The following TMEM272 variants were observed in gnomAD, a reference collection of about 807,000 sequenced individuals.
TMEM272 encodes long intergenic non-protein coding RNA 282.
Under a neutral mutation model 3.7 loss-of-function variants are expected in TMEM272, and 8 were observed. The observed-to-expected ratio is 2.17, with a 90% confidence interval of 1.27 to 3.91. The LOEUF is 3.91. Among genes scored for constraint, TMEM272 ranks in the 30% most tolerant of loss-of-function variants. TMEM272 has a pLI of 0.00. For synonymous variants in TMEM272, 63 were observed against 39.8 expected (o/e 1.58, Z -2.20); for missense variants, 166 against 91.5 (o/e 1.81, Z -3.32).
the TMEM272 span, among the ~76,000 whole-genome samples, chr13:51,860,946 TC>T: frequency 6.6e-6 from 1 of 151,056 alleles, no homozygotes. Flanking sequence ...GGACTAGGGG[TC>T]CACTGACAGA....
the TMEM272 span, among the ~76,000 whole-genome samples, chr13:51,877,559 T>C: frequency 6.6e-6 from 1 of 152,250 alleles, no homozygotes; most frequent in East Asian, 1.9e-4. Context: ...TTTGGATTGT[T>C]TCTTTAGTTA....
At chr13:51,930,135 C>A in the TMEM272 span, among the ~76,000 whole-genome samples, 13 of 152,238 alleles carry the variant, frequency 8.5e-5, no homozygotes, top group Middle Eastern at 3.4e-3. Flanking sequence ...CTTCCCCCCC[C>A]CCACTTTCTA....
At chr13:51,826,137 G>GAAAAAAAA (rs1254151467) in intron 3 of TMEM272, among the ~76,000 whole-genome samples, 2 of 69,970 alleles carry the variant, frequency 2.9e-5, no homozygotes, top group African/African-American at 1.4e-4. Context: ...CATTCATTCA[G>GAAAAAAAA]CAAAAAAAAA....
chr13:51,820,646 C>T (rs1038893246), intron 4 of TMEM272, among the ~76,000 whole-genome samples: 11 of 152,152 alleles, frequency 7.2e-5, no homozygotes, highest in Admixed American at 1.3e-4. Flanking sequence ...GGCAGCTTGA[C>T]GATGAGTGAG....
At chr13:51,890,409 C>G in the TMEM272 span, among the ~76,000 whole-genome samples, 2 of 152,096 alleles carry the variant, frequency 1.3e-5, no homozygotes, top group African/African-American at 4.8e-5. Context: ...CCCTTTCTCC[C>G]TCTCTTGCTT....
chr13:51,922,104 A>C, the TMEM272 span, among the ~76,000 whole-genome samples: 3 of 152,184 alleles, frequency 2.0e-5, no homozygotes, highest in Non-Finnish European at 2.9e-5. Flanking sequence ...GGAGTGTCAG[A>C]GGGTGGAGAT....
chr13:51,866,285 G>A, the TMEM272 span: 721 of 530,658 alleles, frequency 1.4e-3, 5 homozygotes, highest in Middle Eastern at 3.5e-3. Context: ...ATGATCCAAG[G>A]TCATGTTCCC....
intron 2 of TMEM272, among the ~76,000 whole-genome samples, chr13:51,827,108 C>A (rs2139563461): frequency 6.6e-6 from 1 of 152,332 alleles, no homozygotes; most frequent in East Asian, 1.9e-4. Context: ...CCTTTCCATT[C>A]ACTTGGTTAT....
chr13:51,884,815 G>A, the TMEM272 span, among the ~76,000 whole-genome samples: 21 of 152,336 alleles, frequency 1.4e-4, no homozygotes, highest in African/African-American at 5.1e-4. Flanking sequence ...GCTGATACAT[G>A]TAAAGCACTT....
chr13:51,855,855 T>G, the TMEM272 span, among the ~76,000 whole-genome samples: 1 of 152,152 alleles, frequency 6.6e-6, no homozygotes, highest in Non-Finnish European at 1.5e-5. Flanking sequence ...AGACGACATA[T>G]TTAAAGAAAT....
At chr13:51,820,954 TC>T in intron 4 of TMEM272, among the ~76,000 whole-genome samples, 1 of 152,204 alleles carries the variant, frequency 6.6e-6, no homozygotes. Context: ...CACAAAAGCC[TC>T]CTAAGGTTTG....
At chr13:51,821,707 C>A (rs1956081397) in intron 4 of TMEM272, among the ~76,000 whole-genome samples, 1 of 124,380 alleles carries the variant, frequency 8.0e-6, no homozygotes. Flanking sequence ...AAAAAAGCAG[C>A]AGCAGCAGCA....
chr13:51,909,328 C>A, the TMEM272 span: 1 of 910,008 alleles, frequency 1.1e-6, no homozygotes, highest in Admixed American at 1.8e-5. Context: ...AGATCTTTGG[C>A]TCGCTTTCTG....
At chr13:51,826,138 CAAA>C (rs11295480) in intron 3 of TMEM272, among the ~76,000 whole-genome samples, 18 of 123,142 alleles carry the variant, frequency 1.5e-4, no homozygotes, top group East Asian at 5.1e-4. Flanking sequence ...ATTCATTCAG[CAAA>C]AAAAAAAAAA....
the TMEM272 span, among the ~76,000 whole-genome samples, chr13:51,858,492 T>G: frequency 6.6e-6 from 1 of 152,234 alleles, no homozygotes; most frequent in Admixed American, 6.5e-5. Context: ...AATGTACTTG[T>G]AAATAGCCAA....
Position 51,815,040 on chromosome 13 carries a change from G to C in TMEM272, c.*1711C>G, listed in dbSNP as rs117201520. 9.0e-3 allele frequency: 1,376 copies of C among 152,818 alleles called. 12 individuals carry two copies. Among genetic ancestry groups the C allele is most frequent in the South Asian group, 0.024 (117 of 4,830 alleles). The allele number at this position is 152,818 out of a possible 1,614,324, so 9.5% of individuals were successfully genotyped here. A position where few individuals can be genotyped will look rare whatever the true frequency, so the allele number is the denominator to read the frequency against. On this transcript the variant is annotated 3_prime_UTR_variant, in exon 5 of 5. Coordinates refer to ENST00000629372, the MANE Select transcript of TMEM272 (RefSeq NM_001351003.2). ...GACTGGGAATGGCTGACGAGTCATG[G>C]ACTGGGGAAAGGAGGGTGGGAGAGG... is the stretch of plus-strand genomic sequence containing the variant.
At chr13:51,880,376 G>A in the TMEM272 span, among the ~76,000 whole-genome samples, 1 of 151,894 alleles carries the variant, frequency 6.6e-6, no homozygotes, top group African/African-American at 2.4e-5. Context: ...GTATAATTAT[G>A]AGTCTCCACC....
chr13:51,839,840 T>G (rs1956246298), intron 1 of TMEM272, among the ~76,000 whole-genome samples: 1 of 152,214 alleles, frequency 6.6e-6, no homozygotes, highest in South Asian at 2.1e-4. Context: ...GATCCACTGC[T>G]AGCACACAAG....
Position 51,815,681 on chromosome 13 carries a change from A to G in TMEM272, c.*1070T>C, listed in dbSNP as rs958268831. On this transcript the variant is annotated 3_prime_UTR_variant, in exon 5 of 5. Coordinates refer to ENST00000629372, the MANE Select transcript of TMEM272 (RefSeq NM_001351003.2). ...GACAGTATCTTCATACAAAATTCTA[A>G]AACATGGGACTTTTTGCTCATAAAG... The G allele has an allele frequency of 6.6e-6, 1 of 152,192 alleles. No homozygotes were observed. The highest frequency in any genetic ancestry group is 2.4e-5 in the African/African-American group (1 of 41,434). 9.4% of individuals were successfully genotyped at this position (152,192 alleles called of 1,614,324 possible).
Sources: gnomAD v4.1 joint callset for allele counts (sites outside exome capture counted in the v4.1 genomes callset) on GRCh38, gnomAD v4.1.1 for gene constraint, MANE v1.5 for transcripts, NCBI Gene and HGNC (gene_info 2026-07-23, HGNC 2026-07-21) for gene names.